Variants in IPO7 observed in about 807,000 individuals in gnomAD.
IPO7 encodes the protein importin-7.
In IPO7, 13 loss-of-function variants were observed where a neutral mutation model predicts 136.4. That is an observed-to-expected ratio of 0.10 (90% confidence interval 0.06 to 0.15). The LOEUF (loss-of-function observed/expected upper bound fraction) is 0.15. Among genes scored for constraint, IPO7 ranks in the 10% least tolerant of loss-of-function variants. The probability of loss-of-function intolerance (pLI) is 1.00; values close to 1 mark genes in which losing one functional copy is unlikely to be tolerated. For synonymous variants in IPO7, 403 were observed against 404.4 expected (o/e 1.00, Z 0.04); for missense variants, 857 against 1,240.6 (o/e 0.69, Z 4.65).
intron 5 of IPO7, chr11:9,414,732 T>G (rs1855017464): frequency 6.4e-6 from 1 of 156,584 alleles, no homozygotes; most frequent in Non-Finnish European, 1.4e-5. Context: ...TTCAAGCGAT[T>G]CTCCTGCCTC....
chr11:9,440,758 C>G, intron 23 of IPO7, 97 bp downstream of exon 23: 1 of 998,810 alleles, frequency 1.0e-6, no homozygotes, highest in South Asian at 1.4e-5. Flanking sequence ...ATATCAAACC[C>G]AGACTAGAAA....
rs1432337594 is a variant in IPO7 at position 9,447,626 on chromosome 11, A to G, written c.*2432A>G. ...TTTCTTTTTACATACAGCTTTTCCT[A>G]CAGTTTTATTACCCTGTAATTTTTT... is the stretch of plus-strand genomic sequence containing the variant. On this transcript the variant is annotated 3_prime_UTR_variant, in exon 25 of 25. Coordinates refer to ENST00000379719, the MANE Select transcript of IPO7 (RefSeq NM_006391.3). The G allele has an allele frequency of 6.6e-6, 1 of 152,130 alleles. No homozygotes were observed. Among genetic ancestry groups the G allele is most frequent in the African/African-American group, 2.4e-5 (1 of 41,426 alleles). The allele number at this position is 152,130 out of a possible 1,614,324, so 9.4% of individuals were successfully genotyped here.
chr11:9,440,713 G>A (rs370405180), intron 23 of IPO7, 52 bp downstream of exon 23: 12 of 1,344,084 alleles, frequency 8.9e-6, no homozygotes, highest in Non-Finnish European at 9.6e-6. Context: ...ATCTGTTGTA[G>A]TTTCTGCCTG....
chr11:9,439,135 G>A (rs536880664), intron 22 of IPO7, among the ~76,000 whole-genome samples: 1 of 152,132 alleles, frequency 6.6e-6, no homozygotes, highest in East Asian at 1.9e-4. Flanking sequence ...TTTCCTTTGA[G>A]ACGGAGTTTT....
chr11:9,386,131 G>C (rs1280949374), intron 1 of IPO7, among the ~76,000 whole-genome samples: 1 of 152,160 alleles, frequency 6.6e-6, no homozygotes, highest in East Asian at 1.9e-4. Flanking sequence ...AGAGATCCCT[G>C]CCCTCACGGA....
intron 24 of IPO7, among the ~76,000 whole-genome samples, chr11:9,444,188 G>C (rs767996800): frequency 2.9e-4 from 44 of 150,976 alleles, no homozygotes; most frequent in Non-Finnish European, 5.2e-4. Context: ...AGAGGCAGGA[G>C]AATCGCTCGA....
chr11:9,397,333 T>TAAAAAAAAAAAAAAAAA (rs1238499611), intron 1 of IPO7, among the ~76,000 whole-genome samples: 1 of 52,912 alleles, frequency 1.9e-5, no homozygotes, highest in African/African-American at 7.9e-5. Flanking sequence ...AAAAATAATT[T>TAAAAAAAAAAAAAAAAA]AAAAAAAAAT....
intron 1 of IPO7, among the ~76,000 whole-genome samples, chr11:9,396,795 C>T (rs1043012452): frequency 6.6e-6 from 1 of 152,054 alleles, no homozygotes; most frequent in Non-Finnish European, 1.5e-5. Flanking sequence ...TTGTATGTAT[C>T]GATAAGACAC....
Position 9,410,063 on chromosome 11 carries a change from T to A in IPO7, c.456T>A (p.Leu152=). The change falls in exon 4 of 25, where the codon CTT becomes CTA. Residue 152 remains leucine, a synonymous_variant. Transcript: ENST00000379719. ...SACWLGILLC[L]YQLVKNYEYK... Reference sequence around the variant, plus strand: ...GTTGGCTAGGAATTCTTCTTTGCCTTTATCAGCTTGTGAAAAATTATGAGT... The same window carrying A: ...GTTGGCTAGGAATTCTTCTTTGCCTATATCAGCTTGTGAAAAATTATGAGT... The A allele has an allele frequency of 6.3e-7, 1 of 1,595,388 alleles. No individual in the cohort carries two copies. The highest frequency in any genetic ancestry group is 8.5e-7 in the Non-Finnish European group (1 of 1,173,486).
At chr11:9,408,980 G>A (rs1200530006) in intron 3 of IPO7, among the ~76,000 whole-genome samples, 1 of 151,936 alleles carries the variant, frequency 6.6e-6, no homozygotes, top group Non-Finnish European at 1.5e-5. Flanking sequence ...CCAAAGTGCT[G>A]GGATTACAGG....
At chr11:9,427,544 A>G (rs1183341603) in intron 12 of IPO7, among the ~76,000 whole-genome samples, 2 of 152,188 alleles carry the variant, frequency 1.3e-5, no homozygotes, top group African/African-American at 2.4e-5. Context: ...ACAGGCGTGA[A>G]TCACTGCACC....
intron 22 of IPO7, among the ~76,000 whole-genome samples, chr11:9,439,982 G>A (rs1269529386): frequency 1.3e-5 from 2 of 152,210 alleles, no homozygotes; most frequent in South Asian, 4.1e-4. Context: ...TAAAACCTAA[G>A]CATACTTGCA....
At chr11:9,390,121 C>A (rs985209861) in intron 1 of IPO7, among the ~76,000 whole-genome samples, 1 of 152,150 alleles carries the variant, frequency 6.6e-6, no homozygotes, top group Non-Finnish European at 1.5e-5. Flanking sequence ...GAACTCCTGA[C>A]CTCAGGTGAT....
At chr11:9,418,245 A>G (rs1463412165) in intron 6 of IPO7, among the ~76,000 whole-genome samples, 2 of 148,484 alleles carry the variant, frequency 1.3e-5, no homozygotes, top group Non-Finnish European at 3.0e-5. Flanking sequence ...AACTTTTTTT[A>G]TTTTTCATAG....
At chr11:9,422,468 C>G (rs1308366415) in intron 8 of IPO7, among the ~76,000 whole-genome samples, 3 of 151,822 alleles carry the variant, frequency 2.0e-5, no homozygotes, top group Non-Finnish European at 4.4e-5. Flanking sequence ...AGTAGATCCT[C>G]TGAAATAGTC....
At chr11:9,412,796 C>T (rs1854985452) in intron 4 of IPO7, among the ~76,000 whole-genome samples, 2 of 149,964 alleles carry the variant, frequency 1.3e-5, no homozygotes, top group African/African-American at 2.5e-5. Context: ...CACCACTGCA[C>T]TCCAGCCTGG....
intron 7 of IPO7, 37 bp downstream of exon 7, chr11:9,420,542 A>G (rs766176419): frequency 1.9e-6 from 3 of 1,573,794 alleles, no homozygotes; most frequent in Non-Finnish European, 2.6e-6. Flanking sequence ...AAATTAATTT[A>G]TTAAGGTTTT....
chr11:9,442,047 A>G (rs372742814), intron 23 of IPO7, 34 bp from the exon 24 acceptor site: 2 of 999,446 alleles, frequency 2.0e-6, no homozygotes, highest in Admixed American at 1.7e-5. Flanking sequence ...TCTCTTATTC[A>G]TGTTGTTTTT....
At chr11:9,399,983 C>T (rs928242516) in intron 1 of IPO7, among the ~76,000 whole-genome samples, 1 of 152,144 alleles carries the variant, frequency 6.6e-6, no homozygotes. Context: ...GGACTGGTTC[C>T]AGGACCCCCA....
Sources: allele counts gnomAD v4.1 joint callset (sites outside exome capture counted in the v4.1 genomes callset), GRCh38; gene constraint gnomAD v4.1.1; transcripts MANE v1.5; gene names NCBI Gene and HGNC (gene_info 2026-07-23, HGNC 2026-07-21).